Variants in FGF12 observed in about 807,000 individuals in gnomAD.
The protein encoded by FGF12 is fibroblast growth factor 12B.
In FGF12, 14 loss-of-function variants were observed where a neutral mutation model predicts 23.6. That is an observed-to-expected ratio of 0.59 (90% CI 0.39 to 0.93). The LOEUF (loss-of-function observed/expected upper bound fraction) is 0.93. Among genes scored for constraint, FGF12 ranks in the 40% least tolerant of loss-of-function variants. FGF12 has a pLI of 0.00. For missense variants in FGF12, 175 were observed against 217.8 expected (o/e 0.80, Z 1.24); for synonymous variants, 62 against 77.3 (o/e 0.80, Z 1.04).
intron 2 of FGF12, among the ~76,000 whole-genome samples, chr3:192,694,495 C>T (rs770575355): frequency 2.6e-5 from 4 of 151,856 alleles, no homozygotes; most frequent in Non-Finnish European, 5.9e-5. Context: ...AAACAATCTA[C>T]GTGTTCATCA....
At chr3:192,404,640 T>C (rs1341744260) in intron 2 of FGF12, among the ~76,000 whole-genome samples, 1 of 152,220 alleles carries the variant, frequency 6.6e-6, no homozygotes, top group Non-Finnish European at 1.5e-5. Context: ...ATAAGTACAC[T>C]CTTTTCTCAT....
rs374860957 is a variant in FGF12 at position 192,245,181 on chromosome 3, G to C, written c.229-74525C>G. On this transcript the variant is annotated intron_variant, in intron 4 of 5. Coordinates refer to ENST00000445105, the MANE Select transcript of FGF12 (RefSeq NM_004113.6). ...CATGATCAAATCTCACTGCAGCCTT[G>C]AACTCCTGGGCTCAAGCAATCCTCT... 1.6e-4 allele frequency among the ~76,000 whole-genome samples: 25 copies of C among 152,266 alleles called. No homozygotes were observed. The South Asian group carries it at 5.0e-3, about 30-fold the overall frequency.
At chr3:192,440,916 C>T (rs1722184047) in intron 2 of FGF12, among the ~76,000 whole-genome samples, 1 of 152,160 alleles carries the variant, frequency 6.6e-6, no homozygotes, top group South Asian at 2.1e-4. Context: ...GAATTTCTCT[C>T]CAAGTTGAGT....
At position 192,171,574 on chromosome 3, in the gene FGF12, ATGTAT is replaced by A. The variant is rs373618708; in HGVS notation, c.229-923_229-919del. The stretch of plus-strand genomic sequence containing the variant: ...TATCCTAACATGTCACATGAACAAA[ATGTAT>A]TGTGTGGAAGGAAGAAATTTCTCCC... On this transcript the variant is annotated intron_variant, in intron 4 of 5. Transcript: ENST00000445105. Among the ~76,000 whole-genome samples, 260 of 152,314 alleles carry A rather than the reference ATGTAT, an allele frequency of 1.7e-3. 1 individual carries two copies. The highest frequency in any genetic ancestry group is 6.0e-3 in the African/African-American group (250 of 41,568).
chr3:192,562,785 A>G (rs531498886), intron 2 of FGF12, among the ~76,000 whole-genome samples: 2 of 150,452 alleles, frequency 1.3e-5, no homozygotes, highest in South Asian at 4.2e-4. Flanking sequence ...CCCAGGCTGG[A>G]GTGCAGTGGC....
At chr3:192,265,239 T>C (rs186726370) in intron 4 of FGF12, 6 of 152,130 alleles carry the variant, frequency 3.9e-5, no homozygotes, top group Non-Finnish European at 5.9e-5. Flanking sequence ...TAACCTATTA[T>C]TTTTCAGCAG....
chr3:192,597,841 G>T (rs1225245087), intron 2 of FGF12, among the ~76,000 whole-genome samples: 1 of 152,212 alleles, frequency 6.6e-6, no homozygotes, highest in Non-Finnish European at 1.5e-5. Flanking sequence ...AAAAGAGGGG[G>T]CCTAAACTGG....
At chr3:192,281,453 CT>C (rs1714138081) in intron 4 of FGF12, among the ~76,000 whole-genome samples, 1 of 152,018 alleles carries the variant, frequency 6.6e-6, no homozygotes, top group Non-Finnish European at 1.5e-5. Context: ...TGTAGAAAGC[CT>C]ATTTCCAAAT....
chr3:192,517,144 C>T (rs1020346982), intron 2 of FGF12: 2 of 152,204 alleles, frequency 1.3e-5, no homozygotes, highest in Admixed American at 6.5e-5. Context: ...GCAGAGTGAA[C>T]AGGTCCGTGT....
At chr3:192,177,419 A>G (rs1025438466) in intron 4 of FGF12, among the ~76,000 whole-genome samples, 1 of 152,228 alleles carries the variant, frequency 6.6e-6, no homozygotes, top group African/African-American at 2.4e-5. Context: ...TTGAAAGGTA[A>G]AGAATGTTAT....
At chr3:192,386,003 T>A (rs1720025692) in intron 2 of FGF12, among the ~76,000 whole-genome samples, 1 of 152,200 alleles carries the variant, frequency 6.6e-6, no homozygotes, top group Admixed American at 6.5e-5. Flanking sequence ...ATTAAACTAT[T>A]TTAACATGAA....
chr3:192,160,094 C>T (rs916879694), intron 5 of FGF12, among the ~76,000 whole-genome samples: 1 of 152,120 alleles, frequency 6.6e-6, no homozygotes, highest in Non-Finnish European at 1.5e-5. Context: ...TTAGCATGCT[C>T]TATCAGGTCT....
At chr3:192,708,133 G>A (rs1577133360) in intron 2 of FGF12, among the ~76,000 whole-genome samples, 1 of 151,878 alleles carries the variant, frequency 6.6e-6, no homozygotes, top group South Asian at 2.1e-4. Flanking sequence ...CCAATTTTTT[G>A]TATTTTTAGT....
At chr3:192,727,360 T>C (rs1719253767) in intron 1 of FGF12, 37 bp from the exon 2 acceptor site, 18 of 1,520,676 alleles carry the variant, frequency 1.2e-5, no homozygotes, top group Non-Finnish European at 1.6e-5. Flanking sequence ...GAAGCTGCAA[T>C]CAGCCACCAA....
chr3:192,315,147 A>G (rs1209683426), intron 4 of FGF12, among the ~76,000 whole-genome samples: 1 of 152,210 alleles, frequency 6.6e-6, no homozygotes, highest in Admixed American at 6.5e-5. Context: ...ACCAGTAGGT[A>G]TACCATAAAT....
At chr3:192,199,520 A>G (rs932762978) in intron 4 of FGF12, among the ~76,000 whole-genome samples, 4 of 152,198 alleles carry the variant, frequency 2.6e-5, no homozygotes, top group African/African-American at 7.2e-5. Context: ...ATGGAGGCCA[A>G]ATGTATATGT....
chr3:192,550,771 A>G (rs1437174953), intron 2 of FGF12, among the ~76,000 whole-genome samples: 3 of 152,218 alleles, frequency 2.0e-5, no homozygotes, highest in African/African-American at 7.2e-5. Flanking sequence ...GAGCTAATTT[A>G]AGAAAAAGAA....
At chr3:192,237,853 A>G (rs911867033) in intron 4 of FGF12, among the ~76,000 whole-genome samples, 1 of 152,180 alleles carries the variant, frequency 6.6e-6, no homozygotes, top group African/African-American at 2.4e-5. Context: ...CTGGTTAAGA[A>G]CCATTGCTGG....
chr3:192,413,511 C>A (rs1478112366), intron 2 of FGF12, among the ~76,000 whole-genome samples: 2 of 152,160 alleles, frequency 1.3e-5, no homozygotes, highest in African/African-American at 4.8e-5. Flanking sequence ...ATGAGAATGA[C>A]CATGCTGTTA....
Sources: allele counts gnomAD v4.1 joint callset (sites outside exome capture counted in the v4.1 genomes callset), GRCh38; gene constraint gnomAD v4.1.1; transcripts MANE v1.5; gene names NCBI Gene and HGNC (gene_info 2026-07-23, HGNC 2026-07-21).